PFKFB2: variants seen among roughly 807,000 people sequenced by gnomAD.
The protein encoded by PFKFB2 is 6-phosphofructo-2-kinase/fructose-2,6-biphosphatase 2, also known as 6-phosphofructo-2-kinase/fructose-2,6-bisphosphatase 2.
A neutral mutation model predicts 68.0 loss-of-function variants in PFKFB2; 53 were observed. The observed-to-expected ratio is 0.78, with a 90% CI of 0.63 to 0.98. The LOEUF is 0.98. PFKFB2 is among the 50% of genes least tolerant of loss of function. PFKFB2 has a pLI of 0.00. For synonymous variants in PFKFB2, 222 were observed against 227.6 expected (o/e 0.98, Z 0.22); for missense variants, 451 against 642.0 (o/e 0.70, Z 3.22).
chr1:207,078,979 G>T, downstream of PFKFB2: 1 of 1,612,168 alleles, frequency 6.2e-7, no homozygotes. Context: ...CTGGCTGTGC[G>T]CAGACGCCCC....
Position 207,063,729 on chromosome 1 carries a change from T to C in PFKFB2, c.451-44T>C, listed in dbSNP as rs1157925437. Reference sequence around the variant, plus strand: ...GAGCATGTGCTCTTAATTAACAGCCTGGCATTTTTGACTTGCTTATCACTG... The same window carrying C: ...GAGCATGTGCTCTTAATTAACAGCCCGGCATTTTTGACTTGCTTATCACTG... On this transcript the variant is annotated intron_variant, in intron 6 of 14. Transcript: ENST00000367080. This position sits in a 1 kb window ranked among gnomAD's most constrained non-coding sequence, Gnocchi z 4.1. 2 of 1,528,840 alleles carry C rather than the reference T, an allele frequency of 1.3e-6. No homozygotes were observed. Among genetic ancestry groups the C allele is most frequent in the Non-Finnish European group, 1.8e-6 (2 of 1,102,064 alleles). The allele number at this position is 1,528,840 out of a possible 1,614,324, so 94.7% of individuals were successfully genotyped here. A position where few individuals can be genotyped will look rare whatever the true frequency, so the allele number is the denominator to read the frequency against.
chr1:207,057,749 C>T (rs1190186065), intron 2 of PFKFB2, among the ~76,000 whole-genome samples: 1 of 152,174 alleles, frequency 6.6e-6, no homozygotes, highest in African/African-American at 2.4e-5. Context: ...TGTTCATATT[C>T]TGTTCAGCTG....
At chr1:207,068,742 A>G (rs1315729015) in intron 10 of PFKFB2, among the ~76,000 whole-genome samples, 1 of 146,642 alleles carries the variant, frequency 6.8e-6, no homozygotes, top group East Asian at 2.0e-4. Context: ...AAAAGTAGAC[A>G]TTTCTTTCTT....
At chr1:207,050,369 A>G (rs80181065), upstream of PFKFB2, among the ~76,000 whole-genome samples, 1,699 of 152,290 alleles carry the variant, frequency 0.011, 28 homozygotes, top group East Asian at 0.043. Context: ...AAGGACAGAG[A>G]AAATAGGCCC....
At chr1:207,055,996 T>C (rs1682910330) in intron 2 of PFKFB2, among the ~76,000 whole-genome samples, 1 of 152,220 alleles carries the variant, frequency 6.6e-6, no homozygotes, top group Admixed American at 6.5e-5. Context: ...GTATAGCCTC[T>C]GGAGTCAGAC....
chr1:207,063,300 T>C lies in PFKFB2; in HGVS notation c.376-47T>C. On this transcript the variant is annotated intron_variant, in intron 5 of 14. Transcript: ENST00000367080. The surrounding 1 kb of genome is among the most constrained non-coding windows in gnomAD (Gnocchi z 4.1). ...CACCTTGAGTCTGCCCTGGTGGGGT[T>C]CTGTTTCTCTGTTCCTGCTCATTTA... 1.3e-6 allele frequency: 2 copies of C among 1,585,764 alleles called. No individual in the cohort carries two copies. The highest frequency in any genetic ancestry group is 2.2e-5 in the South Asian group (2 of 90,514).
chr1:207,044,010 A>G (rs1682533848), intron 2 of PFKFB2: 1 of 152,612 alleles, frequency 6.6e-6, no homozygotes, highest in African/African-American at 2.4e-5. Flanking sequence ...AGGTAGCAGC[A>G]GTGTATTACT....
chr1:207,055,641 T>TTATATATATATATATATA (rs34590725), intron 2 of PFKFB2, among the ~76,000 whole-genome samples: 3 of 147,584 alleles, frequency 2.0e-5, no homozygotes, highest in African/African-American at 7.5e-5. Context: ...ACTTCAGTGG[T>TTATATATATATATATATA]TATATATATA....
chr1:207,065,980 T>A (rs1683276842), intron 8 of PFKFB2, among the ~76,000 whole-genome samples: 1 of 152,234 alleles, frequency 6.6e-6, no homozygotes, highest in Non-Finnish European at 1.5e-5. Flanking sequence ...TTATATATAT[T>A]ATATGATATT....
At chr1:207,040,263 G>A (rs778970903) in intron 1 of PFKFB2, among the ~76,000 whole-genome samples, 3 of 152,132 alleles carry the variant, frequency 2.0e-5, no homozygotes, top group Admixed American at 1.3e-4. Context: ...ATAGCTTTTC[G>A]GCTTATTGCA....
chr1:207,069,795 C>T (rs1211424974), intron 11 of PFKFB2, among the ~76,000 whole-genome samples: 1 of 152,192 alleles, frequency 6.6e-6, no homozygotes, highest in Non-Finnish European at 1.5e-5. Flanking sequence ...CTTGTACTCT[C>T]TCAATCCCAC....
At chr1:207,065,190 C>A (rs1254737914) in intron 8 of PFKFB2, 30 bp downstream of exon 8, 7 of 1,611,398 alleles carry the variant, frequency 4.3e-6, no homozygotes, top group Non-Finnish European at 5.9e-6. Context: ...TTTGAAGGGC[C>A]CAAGGCAAAG....
rs747164858 is a variant in PFKFB2 at position 207,063,192 on chromosome 1, G to A, written c.358G>A (p.Glu120Lys). 2.5e-6 allele frequency: 4 copies of A among 1,613,870 alleles called. No homozygotes were observed. Among genetic ancestry groups the A allele is most frequent in the Non-Finnish European group, 3.4e-6 (4 of 1,179,844 alleles). The stretch of plus-strand genomic sequence containing the variant: ...AGATGTTAAGGCGTATCTCACTGAG[G>A]AGAATGGTCAGATTGCGGTAAGCTT... ...LEDVKAYLTE[E>K]NGQIAVFDAT... The change falls in exon 5 of 15, where the codon GAG becomes AAG. Residue 120 changes from glutamate (E) to lysine (K), a missense_variant. Coordinates refer to ENST00000367080, the MANE Select transcript of PFKFB2 (RefSeq NM_006212.2). The surrounding 1 kb of genome is among the most constrained non-coding windows in gnomAD (Gnocchi z 4.1).
intron 2 of PFKFB2, chr1:207,047,676 T>C (rs1682631602): frequency 1.3e-5 from 2 of 152,650 alleles, no homozygotes; most frequent in African/African-American, 4.8e-5. Flanking sequence ...AAGCTAAGTT[T>C]TAGAGGGTGT....
intron 2 of PFKFB2, among the ~76,000 whole-genome samples, chr1:207,058,315 C>T (rs1391993765): frequency 2.0e-5 from 3 of 152,206 alleles, no homozygotes; most frequent in Non-Finnish European, 2.9e-5. Flanking sequence ...TAAAAGAAGA[C>T]GTCCTGGGTC....
upstream of PFKFB2, chr1:207,049,186 A>T (rs1458330793): frequency 2.5e-6 from 4 of 1,614,148 alleles, no homozygotes. Context: ...TGCTTGTACA[A>T]GAACAATATC....
At position 207,059,585 on chromosome 1, in the gene PFKFB2, T is replaced by C. The variant is rs968815875; in HGVS notation, c.86-2368T>C. Among the ~76,000 whole-genome samples the C allele has an allele frequency of 3.9e-5, 6 of 152,270 alleles. No homozygotes were observed. In the East Asian group the frequency reaches 9.7e-4, roughly 25 times the overall value. ...ATGAAAATCACTTATGTTGCTCCTT[T>C]ACCTACCTTGGAGGGGCTCCTGCTG... is the stretch of plus-strand genomic sequence containing the variant. On this transcript the variant is annotated intron_variant, in intron 2 of 14. Coordinates refer to ENST00000367080, the MANE Select transcript of PFKFB2 (RefSeq NM_006212.2).
rs765728026 is a variant in PFKFB2, at chr1:207,072,267, A to G, written c.1414A>G (p.Ser472Gly). 5.0e-6 allele frequency: 8 copies of G among 1,614,226 alleles called. No homozygotes were observed. The highest frequency in any genetic ancestry group is 6.8e-6 in the Non-Finnish European group (8 of 1,180,044). Residue 472 changes from serine to glycine, a missense_variant, in exon 15 of 15, where the codon AGT (serine) becomes GGT (glycine). Coordinates refer to ENST00000367080, the MANE Select transcript of PFKFB2 (RefSeq NM_006212.2). ...MRRNSFTPLS[S>G]SNTIRRPRNY... Reference sequence around the variant, plus strand: ...AAGGAACAGCTTTACGCCTCTGTCCAGTTCGAATACAATAAGGCGTCCAAG... The same window carrying G: ...AAGGAACAGCTTTACGCCTCTGTCCGGTTCGAATACAATAAGGCGTCCAAG...
chr1:207,044,185 G>A (rs566341768), intron 2 of PFKFB2: 6 of 152,432 alleles, frequency 3.9e-5, no homozygotes, highest in South Asian at 2.1e-4. Flanking sequence ...TTCTTTTTGC[G>A]TTAGGAACCT....
Sources: allele counts gnomAD v4.1 joint callset (sites outside exome capture counted in the v4.1 genomes callset), GRCh38; gene constraint gnomAD v4.1.1; non-coding constraint Gnocchi (gnomAD v3.1); transcripts MANE v1.5; gene names NCBI Gene and HGNC (gene_info 2026-07-23, HGNC 2026-07-21).